NKX2-2: variants seen among roughly 807,000 people sequenced by gnomAD.
NKX2-2 encodes NK2 homeobox 2.
In NKX2-2, 8 loss-of-function variants were observed where a neutral mutation model predicts 24.6. That is an observed-to-expected ratio of 0.32 (90% CI 0.19 to 0.59). NKX2-2 has a LOEUF of 0.59. NKX2-2 is among the 20% of genes least tolerant of loss of function. The pLI is 0.86. For missense variants in NKX2-2, 381 were observed against 373.9 expected (o/e 1.02, Z -0.16); for synonymous variants, 217 against 173.3 (o/e 1.25, Z -1.98).
Position 21,513,347 on chromosome 20 carries a change from A to C in NKX2-2, c.259+64T>G, listed in dbSNP as rs1568637527. The C allele has an allele frequency of 5.4e-6, 8 of 1,472,238 alleles. No homozygotes were observed. Among genetic ancestry groups the C allele is most frequent in the Non-Finnish European group, 7.2e-6 (8 of 1,109,556 alleles). 91.2% of individuals were successfully genotyped at this position (1,472,238 alleles called of 1,614,324 possible). On this transcript the variant is annotated intron_variant, in intron 1 of 1. Coordinates refer to ENST00000377142, the MANE Select transcript of NKX2-2 (RefSeq NM_002509.4). This position sits in a 1 kb window ranked among gnomAD's most constrained non-coding sequence, Gnocchi z 4.6. ...CTTCCCCTTTCACTCCCAGCGTCCA[A>C]CCCGGGCTGCGGCTGCAGGAATGGA...
In NKX2-2 at chr20:21,513,789, G is replaced by A. The variant is rs1980531672; in HGVS notation, c.-120C>T. 1 of 477,636 alleles carries A rather than the reference G, an allele frequency of 2.1e-6. No individual in the cohort carries two copies. Among genetic ancestry groups the A allele is most frequent in the South Asian group, 3.7e-5 (1 of 26,878 alleles). The allele number at this position is 477,636 out of a possible 1,614,324, so 29.6% of individuals were successfully genotyped here. Reference sequence around the variant, plus strand: ...TGGGGGGAGGGACTGGGGGAGGGGAGGGGGGAATTGGCTTTAATTATTGGG... The same window carrying A: ...TGGGGGGAGGGACTGGGGGAGGGGAAGGGGGAATTGGCTTTAATTATTGGG... On this transcript the variant is annotated 5_prime_UTR_variant, in exon 1 of 2. Transcript: ENST00000377142. This position sits in a 1 kb window ranked among gnomAD's most constrained non-coding sequence, Gnocchi z 4.6.
chr20:21,521,408 T>A, the NKX2-2 span, among the ~76,000 whole-genome samples: 232 of 152,184 alleles, frequency 1.5e-3, 1 homozygote, highest in Admixed American at 4.8e-3. Context: ...AAACGAGAAC[T>A]GTCCGGCGCC....
At chr20:21,520,855 C>T in the NKX2-2 span, among the ~76,000 whole-genome samples, 15 of 152,224 alleles carry the variant, frequency 9.9e-5, no homozygotes, top group Non-Finnish European at 1.6e-4. Context: ...CCGACCTTCC[C>T]CGGATGAGGG....
upstream of NKX2-2, among the ~76,000 whole-genome samples, chr20:21,518,643 C>T (rs1980698610): frequency 2.0e-5 from 3 of 152,248 alleles, no homozygotes; most frequent in African/African-American, 7.2e-5. Context: ...GTAGCTCAAA[C>T]ACGAGCGCCT....
At chr20:21,522,030 C>T in the NKX2-2 span, among the ~76,000 whole-genome samples, 1 of 152,236 alleles carries the variant, frequency 6.6e-6, no homozygotes, top group Non-Finnish European at 1.5e-5. Flanking sequence ...GCCCCTGGGA[C>T]AGTCCCGCTT....
Position 21,512,269 on chromosome 20 carries a change from T to C in NKX2-2, c.476A>G (p.Glu159Gly), listed in dbSNP as rs1980463770. The change falls in exon 2 of 2, where the codon GAA (glutamate) becomes GGA (glycine). Residue 159 changes from glutamate (E) to glycine (G), a missense_variant. By Grantham distance (98) the Glu-to-Gly change is moderately conservative. Coordinates refer to ENST00000377142, the MANE Select transcript of NKX2-2 (RefSeq NM_002509.4). ...QQRYLSAPER[E>G]HLASLIRLTP... ...GAGGCGGATGAGGCTGGCCAGGTGTTCGCGCTCGGGCGCCGACAGGTACCG... is the reference window on the plus strand; with the variant it reads ...GAGGCGGATGAGGCTGGCCAGGTGTCCGCGCTCGGGCGCCGACAGGTACCG... The C allele has an allele frequency of 6.2e-7, 1 of 1,613,634 alleles. No individual in the cohort carries two copies.
upstream of NKX2-2, among the ~76,000 whole-genome samples, chr20:21,514,804 A>C (rs536695685): frequency 6.6e-6 from 1 of 152,358 alleles, no homozygotes; most frequent in South Asian, 2.1e-4. Flanking sequence ...GAGTGCTAGA[A>C]ATGACAAGGC....
At chr20:21,517,440 CAT>C (rs1189112929), upstream of NKX2-2, among the ~76,000 whole-genome samples, 1 of 152,232 alleles carries the variant, frequency 6.6e-6, no homozygotes, top group Non-Finnish European at 1.5e-5. Context: ...CCTCGAGACT[CAT>C]TTCCCCATCA....
At chr20:21,521,385 T>C in the NKX2-2 span, among the ~76,000 whole-genome samples, 1 of 152,084 alleles carries the variant, frequency 6.6e-6, no homozygotes, top group Non-Finnish European at 1.5e-5. Context: ...CCTCTGGCGA[T>C]CTCTACTGAC....
At chr20:21,514,213 G>A (rs974673041), upstream of NKX2-2, among the ~76,000 whole-genome samples, 1 of 151,864 alleles carries the variant, frequency 6.6e-6, no homozygotes, top group Admixed American at 6.6e-5. Context: ...GTGGAAAAAA[G>A]GGGGAAGAGA....
rs1358046703 is a variant in NKX2-2, at chr20:21,512,377, C to G, written c.368G>C (p.Gly123Ala). The change falls in exon 2 of 2, where the codon GGG (glycine) becomes GCG (alanine). Residue 123 changes from glycine (G) to alanine (A), a missense_variant. Physicochemically the swap from Gly to Ala is moderately conservative, Grantham distance 60. Transcript: ENST00000377142. ...CCGCTTTCGCTTCTTGCCGGCGTCC[C>G]CCCCGCCGCCCGGGGTCTCCTTGTC... ...DNDKETPGGGGDAGKKRKRRV... is the reference protein window; with the variant it reads ...DNDKETPGGGADAGKKRKRRV... 4 of 1,603,334 alleles carry G rather than the reference C, an allele frequency of 2.5e-6. No homozygotes were observed. Among genetic ancestry groups the G allele is most frequent in the Admixed American group, 1.7e-5 (1 of 58,032 alleles).
rs1180786196 is a variant in NKX2-2, at chr20:21,512,332, G to A, written c.413C>T (p.Ala138Val). ...GCGCCGCTCCAGCTCGTAGGTCTGC[G>A]CCTTGGAGAAAAGCACTCGCCGCTT... ...KRKRRVLFSKAQTYELERRFR... is the reference protein window; with the variant it reads ...KRKRRVLFSKVQTYELERRFR... The change falls in exon 2 of 2, where the codon GCG (alanine) becomes GTG (valine). Residue 138 changes from alanine to valine, a missense_variant. By Grantham distance (64) the Ala-to-Val change is moderately conservative (BLOSUM62 0). This residue lies in a region of NKX2-2 where 36 missense variants were observed against 79.2 expected (regional missense o/e 0.45). Coordinates refer to ENST00000377142, the MANE Select transcript of NKX2-2 (RefSeq NM_002509.4). 6.2e-7 allele frequency: 1 copy of A among 1,612,980 alleles called. No homozygotes were observed. The highest frequency in any genetic ancestry group is 2.2e-5 in the East Asian group (1 of 44,846).
chr20:21,513,264 A>T lies in NKX2-2; in HGVS notation c.259+147T>A. On this transcript the variant is annotated intron_variant, in intron 1 of 1. Coordinates refer to ENST00000377142, the MANE Select transcript of NKX2-2 (RefSeq NM_002509.4). This position sits in a 1 kb window ranked among gnomAD's most constrained non-coding sequence, Gnocchi z 4.6. ...AAGAGGAGGGCAGAGGACATCCTAT[A>T]CAGGTGTTAAAAATCTTTCTACGGA... is the stretch of plus-strand genomic sequence containing the variant. 1.2e-6 allele frequency: 1 copy of T among 801,858 alleles called. No homozygotes were observed. Among genetic ancestry groups the T allele is most frequent in the Non-Finnish European group, 1.9e-6 (1 of 535,870 alleles). 49.7% of individuals were successfully genotyped at this position (801,858 alleles called of 1,614,324 possible).
the NKX2-2 span, among the ~76,000 whole-genome samples, chr20:21,519,301 T>A: frequency 6.6e-6 from 1 of 152,214 alleles, no homozygotes. Flanking sequence ...CCATCTCAGA[T>A]AACAACCTTC....
upstream of NKX2-2, among the ~76,000 whole-genome samples, chr20:21,517,079 G>A (rs1980658975): frequency 6.6e-6 from 1 of 152,204 alleles, no homozygotes; most frequent in African/African-American, 2.4e-5. Flanking sequence ...TTAATCACGG[G>A]GAGGGAGTGC....
the NKX2-2 span, among the ~76,000 whole-genome samples, chr20:21,520,480 T>C: frequency 2.0e-4 from 30 of 152,328 alleles, no homozygotes; most frequent in Non-Finnish European, 3.8e-4. Flanking sequence ...GGGCATATGT[T>C]AGGACTTTGA....
upstream of NKX2-2, chr20:21,514,095 G>A (rs1473662625): frequency 6.6e-6 from 1 of 152,264 alleles, no homozygotes; most frequent in Non-Finnish European, 1.5e-5. Flanking sequence ...TCCATATAAG[G>A]CTGGGCTCCA....
chr20:21,517,608 T>C (rs1401238461), upstream of NKX2-2, among the ~76,000 whole-genome samples: 6 of 152,210 alleles, frequency 3.9e-5, no homozygotes, highest in Admixed American at 2.0e-4. Flanking sequence ...GAGCGGCCTG[T>C]GGACGCCGGG....
At chr20:21,518,824 G>C (rs572365824), upstream of NKX2-2, among the ~76,000 whole-genome samples, 10 of 152,294 alleles carry the variant, frequency 6.6e-5, no homozygotes, top group African/African-American at 2.4e-4. Flanking sequence ...CACACCCTAC[G>C]GAGGGGAGCC....
Sources: gnomAD v4.1 joint callset for allele counts (sites outside exome capture counted in the v4.1 genomes callset) on GRCh38, gnomAD v4.1.1 for gene constraint, gnomAD v4.1.1 regional missense constraint, Gnocchi (gnomAD v3.1) non-coding constraint, MANE v1.5 for transcripts, NCBI Gene and HGNC (gene_info 2026-07-23, HGNC 2026-07-21) for gene names.